Variants in CYP2C19 observed in about 807,000 individuals in gnomAD.
CYP2C19 encodes the protein cytochrome P450 2C19.
CYP2C19 carries 59 observed loss-of-function variants against 40.9 expected under a neutral mutation model. The observed-to-expected ratio is 1.44, with a 90% CI of 1.17 to 1.79. The LOEUF (loss-of-function observed/expected upper bound fraction) is 1.79, where lower values mean the gene tolerates loss of function less well. CYP2C19 is among the 40% of genes most tolerant of loss of function. CYP2C19 has a pLI of 0.00. For missense variants in CYP2C19, 754 were observed against 596.9 expected (o/e 1.26, Z -2.74); for synonymous variants, 253 against 208.7 (o/e 1.21, Z -1.83).
At chr10:94,778,912 A>T (rs1225296671) in intron 3 of CYP2C19, among the ~76,000 whole-genome samples, 3 of 152,172 alleles carry the variant, frequency 2.0e-5, no homozygotes, top group Non-Finnish European at 1.5e-5. Flanking sequence ...GCACATATAC[A>T]CTGTGGACTA....
intron 6 of CYP2C19, 53 bp from the exon 7 acceptor site, chr10:94,842,784 A>C: frequency 6.3e-7 from 1 of 1,587,304 alleles, no homozygotes; most frequent in South Asian, 1.1e-5. Context: ...AATTGCTAGA[A>C]CAAATGTTCC....
At chr10:94,796,281 C>A (rs1848685230) in intron 5 of CYP2C19, among the ~76,000 whole-genome samples, 1 of 152,100 alleles carries the variant, frequency 6.6e-6, no homozygotes, top group African/African-American at 2.4e-5. Context: ...TTGTTTTTGT[C>A]AGGCTTGTCA....
At position 94,852,747 on chromosome 10, in the gene CYP2C19, G is replaced by A; in HGVS notation, c.1306G>A (p.Val436Met). 6.2e-7 allele frequency: 1 copy of A among 1,613,954 alleles called. No individual in the cohort carries two copies. The highest frequency in any genetic ancestry group is 2.2e-5 in the East Asian group (1 of 44,882). ...GTTATTTTCAGGAAAACGGATTTGT[G>A]TGGGAGAGGGCCTGGCCCGCATGGA... ...MPFSAGKRIC[V>M]GEGLARMELF... is the part of the protein sequence containing the mutation. The change falls in exon 9 of 9, where the codon GTG becomes ATG. Residue 436 changes from valine to methionine, a missense_variant. Val to Met is a conservative substitution (Grantham distance 21). Coordinates refer to ENST00000371321, the MANE Select transcript of CYP2C19 (RefSeq NM_000769.4).
At chr10:94,798,649 C>A (rs1427977397) in intron 5 of CYP2C19, among the ~76,000 whole-genome samples, 1 of 151,910 alleles carries the variant, frequency 6.6e-6, no homozygotes, top group Non-Finnish European at 1.5e-5. Flanking sequence ...TCTCTAAGGA[C>A]CTGCTTTATG....
At chr10:94,834,918 A>C (rs1435888071) in intron 6 of CYP2C19, among the ~76,000 whole-genome samples, 1 of 152,082 alleles carries the variant, frequency 6.6e-6, no homozygotes, top group South Asian at 2.1e-4. Flanking sequence ...ATGAAAACCC[A>C]AGTGCTGTTG....
chr10:94,848,828 T>C (rs570474272), intron 7 of CYP2C19, among the ~76,000 whole-genome samples: 2 of 152,336 alleles, frequency 1.3e-5, no homozygotes, highest in East Asian at 1.9e-4. Flanking sequence ...TATTTTATTC[T>C]CTTTGAAGCA....
At chr10:94,765,375 G>A (rs981240047) in intron 1 of CYP2C19, among the ~76,000 whole-genome samples, 1 of 152,054 alleles carries the variant, frequency 6.6e-6, no homozygotes, top group Admixed American at 6.5e-5. Flanking sequence ...GATATAGGTC[G>A]ACATTCCACA....
At chr10:94,802,527 C>A (rs927582680) in intron 5 of CYP2C19, among the ~76,000 whole-genome samples, 1 of 152,074 alleles carries the variant, frequency 6.6e-6, no homozygotes, top group African/African-American at 2.4e-5. Context: ...TAGGTCTTGA[C>A]TTTTTATCCA....
At chr10:94,843,559 T>G (rs189868020) in intron 7 of CYP2C19, among the ~76,000 whole-genome samples, 140 of 152,356 alleles carry the variant, frequency 9.2e-4, no homozygotes, top group African/African-American at 3.1e-3. Context: ...CCTTTTGATT[T>G]CTTTGTACTT....
intron 5 of CYP2C19, among the ~76,000 whole-genome samples, chr10:94,804,785 T>A (rs1412396294): frequency 6.6e-6 from 1 of 152,226 alleles, no homozygotes; most frequent in African/African-American, 2.4e-5. Context: ...CTTCTTGAAT[T>A]TAAGCTTACA....
chr10:94,846,279 T>A (rs1350282641), intron 7 of CYP2C19, among the ~76,000 whole-genome samples: 1 of 152,158 alleles, frequency 6.6e-6, no homozygotes, highest in Non-Finnish European at 1.5e-5. Context: ...TCTTCGGGCT[T>A]GTTTTGTATA....
chr10:94,808,772 T>C (rs559805077), intron 5 of CYP2C19, among the ~76,000 whole-genome samples: 3 of 152,318 alleles, frequency 2.0e-5, no homozygotes, highest in African/African-American at 7.2e-5. Context: ...AATCTCATTT[T>C]TTTAAATGGC....
intron 5 of CYP2C19, among the ~76,000 whole-genome samples, chr10:94,815,682 C>A (rs1045355354): frequency 6.6e-6 from 1 of 152,188 alleles, no homozygotes; most frequent in African/African-American, 2.4e-5. Flanking sequence ...TTTATTCCTG[C>A]ACTACTTGCA....
chr10:94,780,712 G>T, intron 4 of CYP2C19, 53 bp downstream of exon 4: 1 of 1,598,058 alleles, frequency 6.3e-7, no homozygotes, highest in Non-Finnish European at 8.6e-7. Flanking sequence ...TTTTTTTCTG[G>T]GAAATCCAAA....
At chr10:94,797,869 A>G (rs1848710334) in intron 5 of CYP2C19, among the ~76,000 whole-genome samples, 1 of 151,246 alleles carries the variant, frequency 6.6e-6, no homozygotes, top group African/African-American at 2.4e-5. Context: ...CATCTATTTG[A>G]TTCTTCTCTC....
intron 5 of CYP2C19, among the ~76,000 whole-genome samples, chr10:94,810,863 A>T (rs564038955): frequency 1.3e-5 from 2 of 151,284 alleles, no homozygotes; most frequent in East Asian, 3.9e-4. Flanking sequence ...TTTTGAAGGG[A>T]TTTTCCTGTC....
rs558942479 is a variant in CYP2C19, at chr10:94,826,456, G to T, written c.961+5819G>T. On this transcript the variant is annotated intron_variant, in intron 6 of 8. Transcript: ENST00000371321. ...TAGTTCACTCATGATTTGGCACTCT[G>T]TTTGTCTATTGTTGGTGTATAAGAA... Among the ~76,000 whole-genome samples, 11 of 152,220 alleles carry T rather than the reference G, an allele frequency of 7.2e-5. No individual in the cohort carries two copies. In the South Asian group the frequency reaches 1.4e-3, roughly 20 times the overall value.
chr10:94,786,226 T>C (rs1361203232), intron 5 of CYP2C19, among the ~76,000 whole-genome samples: 1 of 152,136 alleles, frequency 6.6e-6, no homozygotes, highest in East Asian at 1.9e-4. Context: ...TTCATCACCA[T>C]GTAGTTGCAT....
At chr10:94,821,468 A>G (rs1319163938) in intron 6 of CYP2C19, among the ~76,000 whole-genome samples, 1 of 152,198 alleles carries the variant, frequency 6.6e-6, no homozygotes, top group African/African-American at 2.4e-5. Context: ...TATTCTAAAA[A>G]GTTAGATTCA....
Sources: gnomAD v4.1 joint callset for allele counts (sites outside exome capture counted in the v4.1 genomes callset) on GRCh38, gnomAD v4.1.1 for gene constraint, MANE v1.5 for transcripts, NCBI Gene and HGNC (gene_info 2026-07-23, HGNC 2026-07-21) for gene names.